TRMT11: variants seen among roughly 807,000 people sequenced by gnomAD.
TRMT11 encodes the protein tRNA methyltransferase 11, also known as tRNA (guanine(10)-N(2))-methyltransferase TRMT11.
In TRMT11, 53 loss-of-function variants were observed where a neutral mutation model predicts 62.8. The ratio of observed to expected loss-of-function variants is 0.84; its 90% CI spans 0.68 to 1.06. The LOEUF is 1.06. TRMT11 is among the 50% of genes least tolerant of loss of function. The pLI is 0.00. For missense variants in TRMT11, 556 were observed against 553.4 expected (o/e 1.00, Z -0.05); for synonymous variants, 188 against 190.3 (o/e 0.99, Z 0.10).
At chr6:125,992,966 C>T (rs1315917893) in intron 1 of TRMT11, among the ~76,000 whole-genome samples, 4 of 152,244 alleles carry the variant, frequency 2.6e-5, no homozygotes, top group African/African-American at 9.6e-5. Context: ...GGGGGACTTC[C>T]TGGTCTGGGT....
intron 17 of TRMT11, among the ~76,000 whole-genome samples, chr6:126,101,166 G>C (rs890076610): frequency 1.3e-5 from 2 of 152,128 alleles, no homozygotes; most frequent in African/African-American, 4.8e-5. Flanking sequence ...TGGCCCAGGG[G>C]TAGAGAACCC....
At chr6:126,113,104 GCAAA>G (rs1401917729) in intron 18 of TRMT11, among the ~76,000 whole-genome samples, 1 of 152,072 alleles carries the variant, frequency 6.6e-6, no homozygotes, top group East Asian at 1.9e-4. Flanking sequence ...TAGGCATTAA[GCAAA>G]CAACCATGAT....
At chr6:126,008,291 C>A in intron 7 of TRMT11, 101 bp from the exon 8 acceptor site, 1 of 976,058 alleles carries the variant, frequency 1.0e-6, no homozygotes. Context: ...TTCCAGGATA[C>A]TCTGCCTGCA....
chr6:126,080,163 G>A (rs1222344495), intron 17 of TRMT11, among the ~76,000 whole-genome samples: 5 of 151,944 alleles, frequency 3.3e-5, no homozygotes, highest in East Asian at 1.9e-4. Flanking sequence ...GTGCAGTGGC[G>A]TGATCATAGC....
intron 21 of TRMT11, among the ~76,000 whole-genome samples, chr6:126,166,969 A>G (rs1778275070): frequency 6.6e-6 from 1 of 152,160 alleles, no homozygotes; most frequent in Non-Finnish European, 1.5e-5. Context: ...ACCCCCCACC[A>G]AGCTCAAGTG....
chr6:126,010,522 T>C (rs1399068550), intron 8 of TRMT11, among the ~76,000 whole-genome samples: 2 of 152,114 alleles, frequency 1.3e-5, no homozygotes, highest in South Asian at 2.1e-4. Context: ...TTCAGCCTTA[T>C]GGAGTCAGTA....
rs116611727 is a variant in TRMT11, at chr6:126,082,233, G to A, written c.*1437+29043G>A. ...ACAGCTCCATTGTTACAGCCTTAGG[G>A]GTGACTCTGATAATATGTATGTCCT... On this transcript the variant is annotated intron_variant and NMD_transcript_variant, in intron 17 of 22. Coordinates refer to the TRMT11 transcript ENST00000648977. Among the ~76,000 whole-genome samples the A allele has an allele frequency of 6.7e-3, 1,021 of 151,832 alleles. 13 individuals are homozygous for A. The highest frequency in any genetic ancestry group is 0.023 in the African/African-American group (949 of 41,416).
At chr6:126,224,962 T>C in the TRMT11 span, among the ~76,000 whole-genome samples, 1 of 152,120 alleles carries the variant, frequency 6.6e-6, no homozygotes, top group Non-Finnish European at 1.5e-5. Flanking sequence ...AAGGACCTGG[T>C]TGGGCATCCG....
chr6:126,172,258 G>T (rs972389973), upstream of TRMT11, among the ~76,000 whole-genome samples: 3 of 152,088 alleles, frequency 2.0e-5, no homozygotes, highest in African/African-American at 7.2e-5. Context: ...ATTGTGGGGG[G>T]ATTGCTGAGG....
intron 12 of TRMT11, among the ~76,000 whole-genome samples, chr6:126,033,416 C>CTA: frequency 6.6e-6 from 1 of 152,032 alleles, no homozygotes; most frequent in Non-Finnish European, 1.5e-5. Context: ...TTTTTGGGTT[C>CTA]TTTTTAATGC....
At chr6:126,160,974 C>T (rs1003068251) in intron 21 of TRMT11, among the ~76,000 whole-genome samples, 34 of 152,124 alleles carry the variant, frequency 2.2e-4, no homozygotes, top group African/African-American at 7.7e-4. Context: ...GTTTAGAAAT[C>T]GAAGTACAAA....
the TRMT11 span, among the ~76,000 whole-genome samples, chr6:126,223,528 A>T: frequency 6.6e-6 from 1 of 152,222 alleles, no homozygotes; most frequent in Non-Finnish European, 1.5e-5. Context: ...TGAAAGGTCC[A>T]CTGTTAGCCT....
intron 17 of TRMT11, among the ~76,000 whole-genome samples, chr6:126,076,744 G>A (rs938935378): frequency 2.6e-5 from 4 of 152,130 alleles, no homozygotes; most frequent in Non-Finnish European, 4.4e-5. Context: ...AATGTCTAAT[G>A]TCCTGTGTGT....
chr6:126,266,794 A>G, the TRMT11 span, among the ~76,000 whole-genome samples: 1 of 152,152 alleles, frequency 6.6e-6, no homozygotes, highest in African/African-American at 2.4e-5. Flanking sequence ...CCCTATTGCT[A>G]AAAGGGAATT....
At chr6:126,084,461 C>G (rs1583870530) in intron 17 of TRMT11, among the ~76,000 whole-genome samples, 1 of 152,020 alleles carries the variant, frequency 6.6e-6, no homozygotes, top group Admixed American at 6.6e-5. Flanking sequence ...TGTATGAGTT[C>G]TTTATAAATT....
At chr6:126,116,864 T>A (rs1448365746) in intron 21 of TRMT11, among the ~76,000 whole-genome samples, 1 of 152,112 alleles carries the variant, frequency 6.6e-6, no homozygotes, top group Admixed American at 6.6e-5. Flanking sequence ...TCACACACCA[T>A]TTTCCTAGAC....
At chr6:126,013,494 C>T (rs1290947755) in intron 11 of TRMT11, among the ~76,000 whole-genome samples, 3 of 152,160 alleles carry the variant, frequency 2.0e-5, no homozygotes, top group Non-Finnish European at 4.4e-5. Flanking sequence ...CTTCTAGGCT[C>T]AAGCAGTCTA....
intron 17 of TRMT11, among the ~76,000 whole-genome samples, chr6:126,055,610 G>C (rs768363004): frequency 6.6e-6 from 1 of 152,176 alleles, no homozygotes; most frequent in Non-Finnish European, 1.5e-5. Context: ...TCTGGATGAC[G>C]TACTGGGTGA....
intron 21 of TRMT11, among the ~76,000 whole-genome samples, chr6:126,141,172 T>G (rs1777912577): frequency 6.6e-6 from 1 of 152,052 alleles, no homozygotes; most frequent in African/African-American, 2.4e-5. Flanking sequence ...TATAATTGAA[T>G]CTGGGGCTTG....
Sources: gnomAD v4.1 joint callset for allele counts (sites outside exome capture counted in the v4.1 genomes callset) on GRCh38, gnomAD v4.1.1 for gene constraint, MANE v1.5 for transcripts, NCBI Gene and HGNC (gene_info 2026-07-23, HGNC 2026-07-21) for gene names.